MALT1: variants seen among roughly 807,000 people sequenced by gnomAD.
The protein encoded by MALT1 is mucosa-associated lymphoid tissue lymphoma translocation protein 1.
In MALT1, 36 loss-of-function variants were observed where a neutral mutation model predicts 85.5. The ratio of observed to expected loss-of-function variants is 0.42; its 90% CI spans 0.32 to 0.56. MALT1 has a LOEUF of 0.56. Among genes scored for constraint, MALT1 ranks in the 20% least tolerant of loss-of-function variants. The pLI is 0.10. For missense variants in MALT1, 716 were observed against 981.6 expected (o/e 0.73, Z 3.62); for synonymous variants, 359 against 361.3 (o/e 0.99, Z 0.07).
At chr18:58,741,807 T>TATTTAAAACATAAGA in intron 13 of MALT1, 58 bp from the exon 14 acceptor site, 1 of 1,078,482 alleles carries the variant, frequency 9.3e-7, no homozygotes, top group Non-Finnish European at 1.3e-6. Context: ...TTAGCCTAAA[T>TATTTAAAACATAAGA]ATTTAAAACA....
In MALT1 at chr18:58,700,569, C is replaced by T. The variant is rs143781059; in HGVS notation, c.627C>T (p.Cys209=). ...EFSQWSQLDV[C]DIPESFQRSV... ...GCCAGTGGTCACAGCTGGATGTTTG[C>T]GACATCCCAGAGAGCTTCCAGAGTA... The change falls in exon 4 of 17, where the codon TGC becomes TGT. Residue 209 remains cysteine, a synonymous_variant. Transcript: ENST00000649217. 9.3e-6 allele frequency: 15 copies of T among 1,607,048 alleles called. No individual in the cohort carries two copies. The African/African-American group carries it at 1.2e-4, about 13-fold the overall frequency.
chr18:58,735,113 A>C, intron 12 of MALT1, 89 bp from the exon 13 acceptor site: 1 of 1,182,316 alleles, frequency 8.5e-7, no homozygotes, highest in Non-Finnish European at 1.2e-6. Context: ...TGCTTCTCTG[A>C]GTTCATTTTT....
intron 1 of MALT1, among the ~76,000 whole-genome samples, chr18:58,676,777 T>C (rs771502052): frequency 2.4e-4 from 36 of 152,236 alleles, no homozygotes; most frequent in Non-Finnish European, 4.4e-4. Flanking sequence ...CAGAATTTTG[T>C]TTTGTTTGCT....
intron 2 of MALT1, among the ~76,000 whole-genome samples, chr18:58,685,067 A>AAT (rs766984120): frequency 2.6e-5 from 4 of 151,804 alleles, no homozygotes; most frequent in Non-Finnish European, 4.4e-5. Context: ...AGTTGTAAAA[A>AAT]ATATATATAT....
In MALT1 at chr18:58,751,527, CAT is replaced by C. The variant is rs1396122361; in HGVS notation, c.*3686_*3687del. 1 of 152,148 alleles carries C rather than the reference CAT, an allele frequency of 6.6e-6. No individual in the cohort carries two copies. The highest frequency in any genetic ancestry group is 1.5e-5 in the Non-Finnish European group (1 of 68,012). The allele number at this position is 152,148 out of a possible 1,614,324, so 9.4% of individuals were successfully genotyped here. ...GCATGAATTTTTTAAAAAATCTAAA[CAT>C]GTAATTTTAAAACGGGCTTAAGAAG... On this transcript the variant is annotated 3_prime_UTR_variant, in exon 17 of 17. Transcript: ENST00000649217.
chr18:58,710,731 T>C (rs1401247424), intron 6 of MALT1, among the ~76,000 whole-genome samples, 190 bp from the exon 7 acceptor site: 3 of 152,210 alleles, frequency 2.0e-5, no homozygotes, highest in African/African-American at 7.2e-5. Context: ...CATTCTTAAC[T>C]GCGTAATTTG....
At chr18:58,682,996 A>C in intron 2 of MALT1, among the ~76,000 whole-genome samples, 1 of 152,188 alleles carries the variant, frequency 6.6e-6, no homozygotes, top group African/African-American at 2.4e-5. Flanking sequence ...CCCAAATGCA[A>C]CTGTTGTTTG....
At chr18:58,747,020 G>A (rs571337091) in intron 16 of MALT1, among the ~76,000 whole-genome samples, 24 of 152,254 alleles carry the variant, frequency 1.6e-4, no homozygotes, top group African/African-American at 5.1e-4. Context: ...GAGCCACCAC[G>A]CCGGGCCCAG....
chr18:58,734,229 C>T, intron 11 of MALT1, 78 bp from the exon 12 acceptor site: 1 of 1,159,800 alleles, frequency 8.6e-7, no homozygotes, highest in Non-Finnish European at 1.2e-6. Flanking sequence ...GTTGTATTTT[C>T]TCATTATTTA....
intron 14 of MALT1, among the ~76,000 whole-genome samples, chr18:58,743,498 T>G (rs2055329147): frequency 6.6e-6 from 1 of 151,698 alleles, no homozygotes. Context: ...TTGAATGTCT[T>G]TTCTCTAAAA....
chr18:58,702,221 A>C (rs1410219859), intron 4 of MALT1, among the ~76,000 whole-genome samples: 1 of 15,530 alleles, frequency 6.4e-5, no homozygotes, highest in African/African-American at 1.9e-4. Flanking sequence ...AAAAAAATGC[A>C]AAAAAAAAAA....
chr18:58,718,821 TAG>T (rs751377871), intron 9 of MALT1, among the ~76,000 whole-genome samples: 1 of 152,100 alleles, frequency 6.6e-6, no homozygotes, highest in Non-Finnish European at 1.5e-5. Flanking sequence ...CGAGGAGAGT[TAG>T]AGAGGGCTTT....
At chr18:58,692,437 ACTCTCTCCCTCCCTCC>A (rs2054522887) in intron 2 of MALT1, among the ~76,000 whole-genome samples, 1 of 41,726 alleles carries the variant, frequency 2.4e-5, no homozygotes, top group Non-Finnish European at 5.0e-5. Flanking sequence ...TCTCTCTCTC[ACTCTCTCCCTCCCTCC>A]CTCCCTCCCT....
At chr18:58,733,062 C>A (rs28478925) in intron 10 of MALT1, among the ~76,000 whole-genome samples, 10,824 of 152,016 alleles carry the variant, frequency 0.071, 1,310 homozygotes, top group African/African-American at 0.25. Flanking sequence ...AGGTGCCCAC[C>A]ACCACGCCCA....
chr18:58,713,046 T>TG (rs2054852720), intron 7 of MALT1, among the ~76,000 whole-genome samples: 2 of 152,102 alleles, frequency 1.3e-5, no homozygotes, highest in Non-Finnish European at 2.9e-5. Flanking sequence ...AAGAGTACAG[T>TG]GCTACTGACC....
chr18:58,752,391 T>C lies in MALT1; in HGVS notation c.*4549T>C, dbSNP rs973027655. The C allele has an allele frequency of 6.6e-6, 1 of 152,236 alleles. No individual in the cohort carries two copies. Among genetic ancestry groups the C allele is most frequent in the East Asian group, 1.9e-4 (1 of 5,208 alleles). The allele number at this position is 152,236 out of a possible 1,614,324, so 9.4% of individuals were successfully genotyped here. ...GACGCTTATATACTGTCATTACTTT[T>C]ATCTGTCAACTGATGTCAGCTACTC... is the stretch of plus-strand genomic sequence containing the variant. On this transcript the variant is annotated 3_prime_UTR_variant, in exon 17 of 17. Coordinates refer to ENST00000649217, the MANE Select transcript of MALT1 (RefSeq NM_006785.4).
chr18:58,720,842 A>G lies in MALT1; in HGVS notation c.1019-2206A>G, dbSNP rs539672381. ...TTATTTACAAGCATTTTACTACCCC[A>G]GTAACTTTTTAACCTCTTGCTGTAA... On this transcript the variant is annotated intron_variant, in intron 9 of 16. Coordinates refer to ENST00000649217, the MANE Select transcript of MALT1 (RefSeq NM_006785.4). Among the ~76,000 whole-genome samples, 12 of 152,330 alleles carry G rather than the reference A, an allele frequency of 7.9e-5. No homozygotes were observed. The South Asian group carries it at 1.9e-3, about 24-fold the overall frequency.
chr18:58,699,157 T>G (rs1195845686), intron 3 of MALT1, among the ~76,000 whole-genome samples: 1 of 152,224 alleles, frequency 6.6e-6, no homozygotes, highest in African/African-American at 2.4e-5. Context: ...GTTAAGAGGA[T>G]ACATCTTCCA....
rs1450220896 is a variant in MALT1 at position 58,748,236 on chromosome 18, A to T, written c.*394A>T. The T allele has an allele frequency of 4.0e-6, 1 of 248,536 alleles. No individual in the cohort carries two copies. The highest frequency in any genetic ancestry group is 7.8e-6 in the Non-Finnish European group (1 of 127,512). 15.4% of individuals were successfully genotyped at this position (248,536 alleles called of 1,614,324 possible). A position where few individuals can be genotyped will look rare whatever the true frequency, so the allele number is the denominator to read the frequency against. ...GGCATAACCTAATTTTATCCATGGAAGAAACACAGAAAGGCATCTAAGTTA... is the reference window on the plus strand; with the variant it reads ...GGCATAACCTAATTTTATCCATGGATGAAACACAGAAAGGCATCTAAGTTA... On this transcript the variant is annotated 3_prime_UTR_variant, in exon 17 of 17. Transcript: ENST00000649217.
Sources: gnomAD v4.1 joint callset for allele counts (sites outside exome capture counted in the v4.1 genomes callset) on GRCh38, gnomAD v4.1.1 for gene constraint, MANE v1.5 for transcripts, NCBI Gene and HGNC (gene_info 2026-07-23, HGNC 2026-07-21) for gene names.